Variants in ITPR2 observed in about 807,000 individuals in gnomAD.
The protein encoded by ITPR2 is inositol 1,4,5-trisphosphate receptor type 2.
A neutral mutation model predicts 317.1 loss-of-function variants in ITPR2; 207 were observed. That is an observed-to-expected ratio of 0.65 (90% CI 0.58 to 0.73). The LOEUF is 0.73. Ranked by LOEUF, ITPR2 falls within the 30% of genes least tolerant of loss-of-function variation. The pLI, the probability that ITPR2 is intolerant of heterozygous loss-of-function variation, is 0.00. For synonymous variants in ITPR2, 1,156 were observed against 1,149.1 expected (o/e 1.01, Z -0.12); for missense variants, 2,613 against 3,284.0 (o/e 0.80, Z 4.99).
At chr12:26,557,521 A>G (rs1944696358) in intron 35 of ITPR2, among the ~76,000 whole-genome samples, 1 of 152,146 alleles carries the variant, frequency 6.6e-6, no homozygotes, top group East Asian at 1.9e-4. Flanking sequence ...AAAACCACCT[A>G]CTGCTCTCAA....
At chr12:26,707,226 T>A (rs373432199) in intron 9 of ITPR2, among the ~76,000 whole-genome samples, 7 of 152,344 alleles carry the variant, frequency 4.6e-5, no homozygotes, top group African/African-American at 1.7e-4. Flanking sequence ...TGAAGAAACA[T>A]ATATTGAAGG....
chr12:26,487,262 A>C lies in ITPR2; in HGVS notation c.5371-11T>G. The C allele has an allele frequency of 3.8e-6, 6 of 1,578,898 alleles. No homozygotes were observed. The highest frequency in any genetic ancestry group is 5.1e-6 in the Non-Finnish European group (6 of 1,165,480). ...CTGGTAGAAAGAATACTGCAAGAAA[A>C]CATATTTTAAGACATCAATACCCAA... On this transcript the variant is annotated splice_polypyrimidine_tract_variant and intron_variant, in intron 39 of 56. Transcript: ENST00000381340.
chr12:26,391,555 CCTT>C (rs1367702507), intron 54 of ITPR2, among the ~76,000 whole-genome samples: 755 of 70,738 alleles, frequency 0.011, 166 homozygotes, highest in African/African-American at 0.037. Flanking sequence ...TTCTTCTTTT[CCTT>C]TTTTTTTTTT....
chr12:26,720,865 A>C (rs1267300599), intron 5 of ITPR2, among the ~76,000 whole-genome samples: 2 of 152,212 alleles, frequency 1.3e-5, no homozygotes, highest in African/African-American at 4.8e-5. Context: ...TAAAATGAAT[A>C]AATAAGCAGA....
At chr12:26,659,318 C>A (rs1451919531) in intron 15 of ITPR2, 33 bp from the exon 16 acceptor site, 2 of 1,575,374 alleles carry the variant, frequency 1.3e-6, no homozygotes, top group South Asian at 1.1e-5. Flanking sequence ...GAATGCACTG[C>A]CAAACAGCTT....
chr12:26,528,018 C>T (rs538146605), intron 37 of ITPR2, among the ~76,000 whole-genome samples: 2 of 152,318 alleles, frequency 1.3e-5, no homozygotes, highest in Non-Finnish European at 2.9e-5. Flanking sequence ...AAGTCCTCCC[C>T]AAGTTCTGCC....
At chr12:26,342,096 C>T (rs1032549386) in intron 55 of ITPR2, among the ~76,000 whole-genome samples, 1 of 152,178 alleles carries the variant, frequency 6.6e-6, no homozygotes, top group African/African-American at 2.4e-5. Flanking sequence ...TGCTCACACA[C>T]AGCCCAAGTG....
At chr12:26,524,792 CATA>C (rs1943766629) in intron 37 of ITPR2, among the ~76,000 whole-genome samples, 1 of 152,066 alleles carries the variant, frequency 6.6e-6, no homozygotes, top group African/African-American at 2.4e-5. Flanking sequence ...AAATAAATAG[CATA>C]ATACTACAGC....
intron 37 of ITPR2, among the ~76,000 whole-genome samples, chr12:26,545,796 A>G (rs947243666): frequency 1.3e-5 from 2 of 152,316 alleles, no homozygotes; most frequent in Admixed American, 6.5e-5. Context: ...GCTCCCCTCC[A>G]CTGGCATGGA....
At chr12:26,587,559 C>T (rs981259085) in intron 32 of ITPR2, among the ~76,000 whole-genome samples, 1 of 152,062 alleles carries the variant, frequency 6.6e-6, no homozygotes, top group African/African-American at 2.4e-5. Flanking sequence ...CAGTATGGAA[C>T]AGATAGCTAG....
intron 15 of ITPR2, among the ~76,000 whole-genome samples, chr12:26,660,198 C>T (rs983070566): frequency 2.0e-4 from 30 of 152,280 alleles, no homozygotes; most frequent in African/African-American, 7.2e-4. Flanking sequence ...GGGCAGAAAG[C>T]AAAGTCGAAG....
intron 55 of ITPR2, among the ~76,000 whole-genome samples, chr12:26,344,974 T>G (rs944756053): frequency 6.6e-6 from 1 of 152,108 alleles, no homozygotes; most frequent in African/African-American, 2.4e-5. Context: ...GTGTTTTGGT[T>G]TGTTTGTTTC....
chr12:26,714,058 G>A (rs2137028268), intron 8 of ITPR2, among the ~76,000 whole-genome samples: 1 of 152,308 alleles, frequency 6.6e-6, no homozygotes, highest in Admixed American at 6.5e-5. Context: ...ATGTTGTGGA[G>A]TTTCAAGATA....
intron 21 of ITPR2, among the ~76,000 whole-genome samples, chr12:26,647,226 C>A (rs1338569994): frequency 2.6e-5 from 4 of 152,220 alleles, no homozygotes; most frequent in Admixed American, 2.6e-4. Flanking sequence ...ACAAACCAGA[C>A]CCAAACCATT....
chr12:26,642,203 T>C (rs757330684), intron 21 of ITPR2, among the ~76,000 whole-genome samples: 3 of 152,198 alleles, frequency 2.0e-5, no homozygotes, highest in Non-Finnish European at 4.4e-5. Flanking sequence ...TTTTATTACA[T>C]GTTTAAATGT....
intron 45 of ITPR2, among the ~76,000 whole-genome samples, chr12:26,466,371 A>G (rs533084775): frequency 1.3e-5 from 2 of 152,366 alleles, no homozygotes; most frequent in East Asian, 3.9e-4. Context: ...ACTCTTGGTT[A>G]CCAAGAAGCT....
chr12:26,658,118 A>G lies in ITPR2; in HGVS notation c.1899T>C (p.Tyr633=), dbSNP rs763604473. Residue 633 remains tyrosine, a synonymous_variant, in exon 17 of 57, where the codon TAT becomes TAC. Coordinates refer to ENST00000381340, the MANE Select transcript of ITPR2 (RefSeq NM_002223.4). ...RRNREPRFLD[Y]LSDLCVSNTT... is the part of the protein sequence containing the mutation. ...TATTAGACACACACAGATCTGACAA[A>G]TAATCCAAAAACCTGGCAAAAGAAA... 1 of 1,562,680 alleles carries G rather than the reference A, an allele frequency of 6.4e-7. No individual in the cohort carries two copies. Among genetic ancestry groups the G allele is most frequent in the Non-Finnish European group, 8.6e-7 (1 of 1,157,498 alleles).
At chr12:26,561,078 C>T (rs914746421) in intron 35 of ITPR2, among the ~76,000 whole-genome samples, 2 of 152,074 alleles carry the variant, frequency 1.3e-5, no homozygotes, top group African/African-American at 4.8e-5. Context: ...TTCATATGAG[C>T]GGGCCCTAAT....
At chr12:26,712,588 C>G (rs1254316586) in intron 8 of ITPR2, among the ~76,000 whole-genome samples, 2 of 151,676 alleles carry the variant, frequency 1.3e-5, no homozygotes, top group Non-Finnish European at 2.9e-5. Context: ...TTGAGGGAGG[C>G]AGAGATATCT....
Sources: allele counts gnomAD v4.1 joint callset (sites outside exome capture counted in the v4.1 genomes callset), GRCh38; gene constraint gnomAD v4.1.1; transcripts MANE v1.5; gene names NCBI Gene and HGNC (gene_info 2026-07-23, HGNC 2026-07-21).